Variants in CCDC192 observed in about 807,000 individuals in gnomAD.
The protein encoded by CCDC192 is coiled-coil domain containing 192.
At chr5:127,871,775 A>G (rs1299261873) in intron 5 of CCDC192, among the ~76,000 whole-genome samples, 1 of 152,224 alleles carries the variant, frequency 6.6e-6, no homozygotes, top group Non-Finnish European at 1.5e-5. Context: ...ATTCAGCAAT[A>G]TGATACGAAT....
At chr5:127,733,952 T>C (rs1483525002) in intron 2 of CCDC192, among the ~76,000 whole-genome samples, 3 of 150,914 alleles carry the variant, frequency 2.0e-5, no homozygotes, top group Non-Finnish European at 4.4e-5. Context: ...ATACTTTAAG[T>C]TTTAGGGTAC....
chr5:127,790,402 T>C (rs1468735866), intron 3 of CCDC192, among the ~76,000 whole-genome samples: 1 of 152,236 alleles, frequency 6.6e-6, no homozygotes, highest in African/African-American at 2.4e-5. Context: ...CAATGTGTAA[T>C]GATCAAATCA....
intron 3 of CCDC192, among the ~76,000 whole-genome samples, chr5:127,795,170 G>A (rs1310942105): frequency 6.6e-6 from 1 of 151,516 alleles, no homozygotes; most frequent in East Asian, 1.9e-4. Context: ...TGAGCCTGTA[G>A]TCCCACTTAC....
chr5:127,855,438 A>C (rs1475480744), intron 5 of CCDC192, among the ~76,000 whole-genome samples: 1 of 152,184 alleles, frequency 6.6e-6, no homozygotes, highest in Non-Finnish European at 1.5e-5. Context: ...ATCTGCAGTT[A>C]CTTCCTCTGT....
At chr5:127,844,710 T>C (rs551170134) in intron 5 of CCDC192, among the ~76,000 whole-genome samples, 15 of 152,280 alleles carry the variant, frequency 9.9e-5, no homozygotes, top group African/African-American at 3.4e-4. Context: ...TGGCTGCTCT[T>C]TGTGCATTCA....
intron 2 of CCDC192, among the ~76,000 whole-genome samples, chr5:127,754,005 A>C (rs1754412607): frequency 6.6e-6 from 1 of 152,216 alleles, no homozygotes; most frequent in Admixed American, 6.5e-5. Context: ...AATTCCAATG[A>C]CAGTTATTTA....
intron 5 of CCDC192, among the ~76,000 whole-genome samples, chr5:127,869,225 G>T (rs1353094259): frequency 6.6e-6 from 1 of 152,158 alleles, no homozygotes; most frequent in Non-Finnish European, 1.5e-5. Context: ...TTGGGAGGTT[G>T]AGGCAGGAGA....
intron 3 of CCDC192, among the ~76,000 whole-genome samples, chr5:127,765,534 T>G (rs1214868508): frequency 6.6e-6 from 1 of 152,182 alleles, no homozygotes; most frequent in Non-Finnish European, 1.5e-5. Flanking sequence ...AAGTCCCCAG[T>G]AATTTTTAGA....
intron 6 of CCDC192, among the ~76,000 whole-genome samples, chr5:127,900,457 G>A (rs563900151): frequency 6.6e-6 from 1 of 152,338 alleles, no homozygotes; most frequent in African/African-American, 2.4e-5. Context: ...CATGTGAGAT[G>A]AGACATAGTA....
intron 6 of CCDC192, among the ~76,000 whole-genome samples, chr5:127,880,401 A>G (rs551646083): frequency 7.1e-6 from 1 of 140,558 alleles, no homozygotes; most frequent in Admixed American, 7.8e-5. Context: ...GAATTGAACA[A>G]TGAGATCACA....
rs568463564 is a variant in CCDC192, at chr5:127,927,191, C to T, written c.536-13991C>T. Among the ~76,000 whole-genome samples the T allele has an allele frequency of 2.0e-5, 3 of 152,062 alleles. No homozygotes were observed. In the South Asian group the frequency reaches 6.2e-4, roughly 32 times the overall value. ...TCGGTTACCAGAAGTAAACCATGGTCTGAAAATAGGTGAGTATAGTACAAT... is the reference window on the plus strand; with the variant it reads ...TCGGTTACCAGAAGTAAACCATGGTTTGAAAATAGGTGAGTATAGTACAAT... On this transcript the variant is annotated intron_variant, in intron 6 of 6. Transcript: ENST00000514853.
intron 5 of CCDC192, among the ~76,000 whole-genome samples, chr5:127,860,604 G>C (rs1751316510): frequency 1.3e-5 from 2 of 152,064 alleles, no homozygotes; most frequent in South Asian, 4.1e-4. Context: ...GTCCCACCAA[G>C]AAATAAAGAG....
chr5:127,825,865 A>T (rs1245132624), intron 5 of CCDC192, among the ~76,000 whole-genome samples: 2 of 152,348 alleles, frequency 1.3e-5, no homozygotes, highest in African/African-American at 4.8e-5. Flanking sequence ...AATGCTTGGC[A>T]GTACTAGCAA....
At chr5:127,754,406 T>C in intron 3 of CCDC192, 31 bp downstream of exon 3, 1 of 397,672 alleles carries the variant, frequency 2.5e-6, no homozygotes, top group Non-Finnish European at 4.4e-6. Context: ...TGGAAACAAA[T>C]GTTCCTCAGT....
At position 127,707,675 on chromosome 5, in the gene CCDC192, A is replaced by C. The variant is rs1580505190; in HGVS notation, c.63-34A>C. On this transcript the variant is annotated intron_variant, in intron 1 of 6. Transcript: ENST00000514853. ...GTGCGCACATGAGAGCCTGAAATAA[A>C]ATTTTGGAATTCTAAATGTTTACTT... is the stretch of plus-strand genomic sequence containing the variant. 5.0e-5 allele frequency: 20 copies of C among 398,216 alleles called. No homozygotes were observed. The East Asian group carries it at 7.1e-4, about 14-fold the overall frequency. The allele number at this position is 398,216 out of a possible 1,614,324, so 24.7% of individuals were successfully genotyped here. A position where few individuals can be genotyped will look rare whatever the true frequency, so the allele number is the denominator to read the frequency against.
At chr5:127,850,745 C>A (rs1750758381) in intron 5 of CCDC192, among the ~76,000 whole-genome samples, 1 of 152,154 alleles carries the variant, frequency 6.6e-6, no homozygotes, top group Non-Finnish European at 1.5e-5. Flanking sequence ...GCAGGCAAAT[C>A]ACCTGAGTTT....
chr5:127,856,219 G>C (rs1253445534), intron 5 of CCDC192, among the ~76,000 whole-genome samples: 1 of 152,280 alleles, frequency 6.6e-6, no homozygotes, highest in Middle Eastern at 3.4e-3. Flanking sequence ...CTCAGCAATT[G>C]CTGCTTCACC....
chr5:127,787,070 G>A lies in CCDC192; in HGVS notation c.223-10033G>A, dbSNP rs144170586. 38 of 260,798 alleles carry A rather than the reference G, an allele frequency of 1.5e-4. No individual in the cohort carries two copies. In the East Asian group the frequency reaches 3.7e-3, roughly 26 times the overall value. The allele number at this position is 260,798 out of a possible 1,614,324, so 16.2% of individuals were successfully genotyped here. On this transcript the variant is annotated intron_variant, in intron 3 of 6. Coordinates refer to ENST00000514853, the MANE Select transcript of CCDC192 (RefSeq NM_001317938.2). ...GAGGGATGTTCTAAAGCTGTCCAGT[G>A]CAGCAATCCTTATTCAAAGTTCAGC...
intron 5 of CCDC192, among the ~76,000 whole-genome samples, chr5:127,827,354 T>C (rs1174613564): frequency 1.3e-5 from 2 of 152,228 alleles, no homozygotes; most frequent in Admixed American, 1.3e-4. Flanking sequence ...TTTCTAGTGC[T>C]TTTTTCCAGC....
Sources: gnomAD v4.1 joint callset for allele counts (sites outside exome capture counted in the v4.1 genomes callset) on GRCh38, gnomAD v4.1.1 for gene constraint, MANE v1.5 for transcripts, NCBI Gene and HGNC (gene_info 2026-07-23, HGNC 2026-07-21) for gene names.